The following CCSER2 variants were observed in gnomAD, a reference collection of about 807,000 sequenced individuals.
CCSER2 encodes coiled-coil serine rich protein 2.
In CCSER2, 46 loss-of-function variants were observed where a neutral mutation model predicts 92.3. That is an observed-to-expected ratio of 0.50 (90% CI 0.39 to 0.64). The LOEUF (loss-of-function observed/expected upper bound fraction) is 0.64, where lower values mean the gene tolerates loss of function less well. CCSER2 is among the 30% of genes least tolerant of loss of function. The probability of loss-of-function intolerance (pLI) is 0.00; values close to 1 mark genes in which losing one functional copy is unlikely to be tolerated. For missense variants in CCSER2, 1,244 were observed against 1,238.9 expected, an observed-to-expected ratio of 1.00 and a Z score of -0.06; for synonymous variants, 433 against 431.4, an observed-to-expected ratio of 1.00 and a Z score of -0.04.
intron 1 of CCSER2, among the ~76,000 whole-genome samples, chr10:84,351,137 ACT>A (rs995963368): frequency 6.6e-6 from 1 of 152,182 alleles, no homozygotes; most frequent in Non-Finnish European, 1.5e-5. Flanking sequence ...CATATAGCTG[ACT>A]CTGTGTGTGT....
chr10:84,502,996 A>G (rs1848845764), intron 9 of CCSER2, among the ~76,000 whole-genome samples: 2 of 152,092 alleles, frequency 1.3e-5, no homozygotes, highest in Non-Finnish European at 2.9e-5. Flanking sequence ...GGGCCGAGGC[A>G]GGCGGATCAC....
At chr10:84,484,489 A>ATGTGTGTGTG (rs201586953) in intron 9 of CCSER2, among the ~76,000 whole-genome samples, 2 of 116,792 alleles carry the variant, frequency 1.7e-5, no homozygotes, top group Admixed American at 8.9e-5. Context: ...GTGTGCATGC[A>ATGTGTGTGTG]CGTGTGTGTG....
In CCSER2 at chr10:84,482,052, T is replaced by C. The variant is rs146834695; in HGVS notation, c.2325+4388T>C. Among the ~76,000 whole-genome samples the C allele has an allele frequency of 1.7e-3, 255 of 152,194 alleles. 1 individual carries two copies. Among genetic ancestry groups the C allele is most frequent in the Middle Eastern group, 0.01 (3 of 292 alleles). The stretch of plus-strand genomic sequence containing the variant: ...TTGGACAAAGCAGCCCTGGACCTAA[T>C]GATATCTACTTACATGGATATGGAA... On this transcript the variant is annotated intron_variant, in intron 9 of 9. Coordinates refer to ENST00000372088, the MANE Select transcript of CCSER2 (RefSeq NM_001284240.2).
At chr10:84,448,933 A>T (rs1464973660) in intron 6 of CCSER2, among the ~76,000 whole-genome samples, 1 of 152,200 alleles carries the variant, frequency 6.6e-6, no homozygotes, top group Non-Finnish European at 1.5e-5. Context: ...ATTGCTGAGT[A>T]GACTCCATTC....
intron 3 of CCSER2, among the ~76,000 whole-genome samples, chr10:84,386,644 A>G (rs10749488): frequency 0.85 from 130,059 of 152,240 alleles, 55,636 homozygotes; most frequent in East Asian, 0.9. Flanking sequence ...ACTCGAACCC[A>G]GGCAGAGGCT....
Position 84,470,478 on chromosome 10 carries a change from G to T in CCSER2, c.2235+20G>T, listed in dbSNP as rs988656910. 1 of 1,371,874 alleles carries T rather than the reference G, an allele frequency of 7.3e-7. No homozygotes were observed. Among genetic ancestry groups the T allele is most frequent in the East Asian group, 3.0e-5 (1 of 33,380 alleles). 85.0% of individuals were successfully genotyped at this position (1,371,874 alleles called of 1,614,324 possible). A position where few individuals can be genotyped will look rare whatever the true frequency, so the allele number is the denominator to read the frequency against. On this transcript the variant is annotated intron_variant, in intron 8 of 9. Coordinates refer to ENST00000372088, the MANE Select transcript of CCSER2 (RefSeq NM_001284240.2). ...CAGCTTGTAAGTATTGTAGTATAATGTATAGAGACTTTTCAAACTGGGTGA... is the reference window on the plus strand; with the variant it reads ...CAGCTTGTAAGTATTGTAGTATAATTTATAGAGACTTTTCAAACTGGGTGA...
intron 9 of CCSER2, among the ~76,000 whole-genome samples, chr10:84,490,341 A>T (rs996748750): frequency 1.3e-5 from 2 of 152,172 alleles, no homozygotes; most frequent in African/African-American, 2.4e-5. Flanking sequence ...GTGTTTTCCA[A>T]CTTGGTTCCA....
At chr10:84,434,295 ATCT>A (rs1312268536) in intron 5 of CCSER2, among the ~76,000 whole-genome samples, 1 of 152,148 alleles carries the variant, frequency 6.6e-6, no homozygotes, top group Admixed American at 6.5e-5. Flanking sequence ...TGAGATTAAA[ATCT>A]TCATTATCTT....
intron 5 of CCSER2, among the ~76,000 whole-genome samples, chr10:84,436,362 G>C (rs1414790269): frequency 1.6e-5 from 2 of 123,836 alleles, no homozygotes; most frequent in African/African-American, 3.2e-5. Context: ...AATGCCGGGC[G>C]CGGTGTCTCA....
chr10:84,500,104 C>T (rs1848647695), intron 9 of CCSER2: 1 of 1,038,752 alleles, frequency 9.6e-7, no homozygotes, highest in Non-Finnish European at 1.4e-6. Flanking sequence ...TCTGTGGTCT[C>T]CTCTCTTAAC....
chr10:84,363,309 A>G (rs1205584163), intron 1 of CCSER2, among the ~76,000 whole-genome samples: 3 of 152,128 alleles, frequency 2.0e-5, no homozygotes, highest in East Asian at 1.9e-4. Flanking sequence ...TTTAATTGCT[A>G]TAATCAAGCC....
At chr10:84,460,455 C>CT (rs1449061442) in intron 6 of CCSER2, among the ~76,000 whole-genome samples, 1 of 151,316 alleles carries the variant, frequency 6.6e-6, no homozygotes, top group African/African-American at 2.4e-5. Context: ...CTTATACTGT[C>CT]TTTGTTTTAG....
At chr10:84,452,843 C>G (rs1414746599) in intron 6 of CCSER2, among the ~76,000 whole-genome samples, 3 of 152,074 alleles carry the variant, frequency 2.0e-5, no homozygotes, top group South Asian at 2.1e-4. Context: ...CCCCTCCCCC[C>G]ACCAAATGTT....
intron 1 of CCSER2, among the ~76,000 whole-genome samples, chr10:84,340,796 C>T (rs1844133698): frequency 6.6e-6 from 1 of 152,052 alleles, no homozygotes; most frequent in Non-Finnish European, 1.5e-5. Context: ...ATCTGTAGGT[C>T]TTACTTCTAC....
chr10:84,483,256 G>T (rs1435700082), intron 9 of CCSER2, among the ~76,000 whole-genome samples: 1 of 152,090 alleles, frequency 6.6e-6, no homozygotes, highest in African/African-American at 2.4e-5. Flanking sequence ...AGTCAGGCGT[G>T]GTGGTGCATG....
intron 3 of CCSER2, among the ~76,000 whole-genome samples, chr10:84,384,624 A>T (rs1046201461): frequency 6.6e-6 from 1 of 152,166 alleles, no homozygotes; most frequent in Non-Finnish European, 1.5e-5. Flanking sequence ...ACATACCTGA[A>T]AATAATAAGA....
chr10:84,408,480 C>T (rs545526831), intron 3 of CCSER2, among the ~76,000 whole-genome samples: 1 of 152,062 alleles, frequency 6.6e-6, no homozygotes, highest in African/African-American at 2.4e-5. Context: ...TCCTCTTCCC[C>T]TTTCCTTTTC....
chr10:84,424,461 A>G (rs1342934798), intron 4 of CCSER2, among the ~76,000 whole-genome samples: 3 of 152,180 alleles, frequency 2.0e-5, no homozygotes, highest in Admixed American at 6.5e-5. Context: ...CCTTTTAAAA[A>G]TGTTTTAAAT....
chr10:84,433,891 C>T (rs1410842841), intron 5 of CCSER2, among the ~76,000 whole-genome samples: 1 of 152,110 alleles, frequency 6.6e-6, no homozygotes. Flanking sequence ...TTTGCCTTCA[C>T]CCATATCTCT....
Sources: allele counts gnomAD v4.1 joint callset (sites outside exome capture counted in the v4.1 genomes callset), GRCh38; gene constraint gnomAD v4.1.1; transcripts MANE v1.5; gene names NCBI Gene and HGNC (gene_info 2026-07-23, HGNC 2026-07-21).